IQCH: variants seen among roughly 807,000 people sequenced by gnomAD.
The protein encoded by IQCH is IQ motif containing H.
A neutral mutation model predicts 117.0 loss-of-function variants in IQCH; 98 were observed. That is an observed-to-expected ratio of 0.84 (90% confidence interval 0.71 to 0.99). The LOEUF (loss-of-function observed/expected upper bound fraction) is 0.99. IQCH is among the 50% of genes least tolerant of loss of function. IQCH has a pLI of 0.00. For missense variants in IQCH, 1,102 were observed against 1,243.8 expected, an observed-to-expected ratio of 0.89 and a Z score of 1.72; for synonymous variants, 412 against 448.2, an observed-to-expected ratio of 0.92 and a Z score of 1.02.
At chr15:67,462,785 G>GA (rs77178438) in intron 16 of IQCH, among the ~76,000 whole-genome samples, 9 of 148,404 alleles carry the variant, frequency 6.1e-5, no homozygotes, top group South Asian at 2.1e-4. Context: ...TAGAAACTCT[G>GA]AAAAAAAAAA....
At chr15:67,277,130 T>A (rs1486150343) in intron 3 of IQCH, among the ~76,000 whole-genome samples, 1 of 152,258 alleles carries the variant, frequency 6.6e-6, no homozygotes, top group African/African-American at 2.4e-5. Context: ...CTTAAAACAA[T>A]GCTTTTTATT....
chr15:67,442,260 A>G (rs1267728779), intron 16 of IQCH, among the ~76,000 whole-genome samples: 1 of 151,964 alleles, frequency 6.6e-6, no homozygotes, highest in East Asian at 1.9e-4. Context: ...AATATACACA[A>G]TTAGCCAGGC....
In IQCH at chr15:67,480,897, C is replaced by T. The variant is rs2141062400; in HGVS notation, c.2799+5079C>T. On this transcript the variant is annotated intron_variant, in intron 18 of 20. Transcript: ENST00000335894. ...CGACTGCATTTGGCAAGGTATTATA[C>T]AAAAAATATGAGCTTCTGAATGAAT... 1.3e-5 allele frequency among the ~76,000 whole-genome samples: 2 copies of T among 151,772 alleles called. 1 individual carries two copies. Among genetic ancestry groups the T allele is most frequent in the South Asian group, 4.2e-4 (2 of 4,802 alleles).
In IQCH at chr15:67,341,737, G is replaced by A. The variant is rs182989310; in HGVS notation, c.509-2326G>A. Among the ~76,000 whole-genome samples, 60 of 152,256 alleles carry A rather than the reference G, an allele frequency of 3.9e-4. 1 individual carries two copies. The highest frequency in any genetic ancestry group is 8.4e-4 in the Non-Finnish European group (57 of 68,016). On this transcript the variant is annotated intron_variant, in intron 5 of 20. Transcript: ENST00000335894. ...ATTAGCTTATTAATTAAGTGAGGGA[G>A]CTAGTAAGATGTTACAGTAAATTCA... is the stretch of plus-strand genomic sequence containing the variant.
At chr15:67,294,617 A>T (rs1179479051) in intron 4 of IQCH, among the ~76,000 whole-genome samples, 1 of 152,178 alleles carries the variant, frequency 6.6e-6, no homozygotes, top group Non-Finnish European at 1.5e-5. Context: ...TGCAGCAATC[A>T]TCTTGCAACC....
At chr15:67,351,630 T>C (rs1010057983) in intron 6 of IQCH, among the ~76,000 whole-genome samples, 1 of 152,250 alleles carries the variant, frequency 6.6e-6, no homozygotes, top group African/African-American at 2.4e-5. Flanking sequence ...ACCTTCAGTG[T>C]GTAAGATACT....
At chr15:67,367,432 G>A (rs760184027) in intron 8 of IQCH, among the ~76,000 whole-genome samples, 6 of 152,136 alleles carry the variant, frequency 3.9e-5, no homozygotes, top group Non-Finnish European at 8.8e-5. Context: ...CCACCTACTC[G>A]GGAAGCTGAG....
intron 12 of IQCH, among the ~76,000 whole-genome samples, chr15:67,392,753 G>T (rs1971328578): frequency 6.8e-6 from 1 of 146,396 alleles, no homozygotes; most frequent in Non-Finnish European, 1.5e-5. Flanking sequence ...CTCCAGCCTG[G>T]GTGACAGAGT....
rs899071333 is a variant in IQCH at position 67,357,267 on chromosome 15, G to A, written c.638-78G>A. ...GTGACAGAGCCATTTGACTTTCAAG[G>A]TGCAAACCCAATAGCATCCAACCAG... is the stretch of plus-strand genomic sequence containing the variant. On this transcript the variant is annotated intron_variant, in intron 6 of 20. Transcript: ENST00000335894. 15 of 941,460 alleles carry A rather than the reference G, an allele frequency of 1.6e-5. No homozygotes were observed. The African/African-American group carries it at 1.9e-4, about 12-fold the overall frequency. The allele number at this position is 941,460 out of a possible 1,614,324, so 58.3% of individuals were successfully genotyped here.
intron 4 of IQCH, among the ~76,000 whole-genome samples, chr15:67,308,692 G>A (rs946344256): frequency 6.6e-6 from 1 of 152,058 alleles, no homozygotes; most frequent in Admixed American, 6.6e-5. Context: ...TGGTGGTGGT[G>A]GTGGTGGAGG....
rs2082969584 is a variant in IQCH, at chr15:67,467,722, G to A, written c.2676+2425G>A. On this transcript the variant is annotated intron_variant, in intron 17 of 20. Transcript: ENST00000335894. This position sits in a 1 kb window ranked among gnomAD's most constrained non-coding sequence, Gnocchi z 5.7. ...AAGCAAATCGAAGCTTCCTGAACAA[G>A]TGTGAACAGACTATGATGCCGTCAA... is the stretch of plus-strand genomic sequence containing the variant. 6.6e-6 allele frequency among the ~76,000 whole-genome samples: 1 copy of A among 152,202 alleles called. No individual in the cohort carries two copies. Among genetic ancestry groups the A allele is most frequent in the Admixed American group, 6.5e-5 (1 of 15,286 alleles).
intron 8 of IQCH, among the ~76,000 whole-genome samples, chr15:67,362,149 C>CCACA (rs5813439): frequency 0.45 from 67,192 of 150,286 alleles, 15,290 homozygotes; most frequent in Non-Finnish European, 0.51. Flanking sequence ...TACGCACACA[C>CCACA]CACACACACA....
chr15:67,455,382 G>A (rs952883503), intron 16 of IQCH, among the ~76,000 whole-genome samples: 1 of 152,184 alleles, frequency 6.6e-6, no homozygotes, highest in African/African-American at 2.4e-5. Flanking sequence ...TTCCCCTTGT[G>A]AGCCGCATGC....
chr15:67,306,710 T>G, intron 4 of IQCH: 1 of 748,126 alleles, frequency 1.3e-6, no homozygotes, highest in Admixed American at 2.1e-5. Context: ...ATCCTGTGAC[T>G]CTGTTATGTA....
At chr15:67,284,576 A>T (rs1485221386) in intron 4 of IQCH, among the ~76,000 whole-genome samples, 1 of 152,072 alleles carries the variant, frequency 6.6e-6, no homozygotes, top group African/African-American at 2.4e-5. Flanking sequence ...TAAGCCTAGT[A>T]CCCATTAGTT....
At chr15:67,267,082 G>C (rs1272322234) in intron 3 of IQCH, among the ~76,000 whole-genome samples, 1 of 152,226 alleles carries the variant, frequency 6.6e-6, no homozygotes, top group Non-Finnish European at 1.5e-5. Flanking sequence ...GTGGTTTGGA[G>C]CCTCCACTCT....
rs1342503028 is a variant in IQCH at position 67,481,841 on chromosome 15, TCA to T, written c.2799+6024_2799+6025del. 6.6e-6 allele frequency among the ~76,000 whole-genome samples: 1 copy of T among 152,180 alleles called. No individual in the cohort carries two copies. The highest frequency in any genetic ancestry group is 1.9e-4 in the East Asian group (1 of 5,194). On this transcript the variant is annotated intron_variant, in intron 18 of 20. Coordinates refer to ENST00000335894, the MANE Select transcript of IQCH (RefSeq NM_001031715.3). This position sits in a 1 kb window ranked among gnomAD's most constrained non-coding sequence, Gnocchi z 4.1. ...AAAGAACTCAACATCAAGAGAAATCTCAGTCTGGATTAAAAGAGACTGTTGCT... is the reference window on the plus strand; with the variant it reads ...AAAGAACTCAACATCAAGAGAAATCTGTCTGGATTAAAAGAGACTGTTGCT...
At chr15:67,451,401 C>G (rs887994044) in intron 16 of IQCH, among the ~76,000 whole-genome samples, 6 of 151,918 alleles carry the variant, frequency 3.9e-5, no homozygotes, top group African/African-American at 9.7e-5. Flanking sequence ...TTGAATGTGT[C>G]CCAGAGATTC....
At chr15:67,477,251 A>C (rs888845388) in intron 18 of IQCH, among the ~76,000 whole-genome samples, 1 of 151,930 alleles carries the variant, frequency 6.6e-6, no homozygotes, top group African/African-American at 2.4e-5. Context: ...GGGTTTCACC[A>C]TGTTGGCCAG....
Sources: gnomAD v4.1 joint callset for allele counts (sites outside exome capture counted in the v4.1 genomes callset) on GRCh38, gnomAD v4.1.1 for gene constraint, Gnocchi (gnomAD v3.1) non-coding constraint, MANE v1.5 for transcripts, NCBI Gene and HGNC (gene_info 2026-07-23, HGNC 2026-07-21) for gene names.